The following NBAS variants were observed in gnomAD, a reference collection of about 807,000 sequenced individuals.
NBAS encodes NAG/BC035112 fusion.
A neutral mutation model predicts 302.5 loss-of-function variants in NBAS; 219 were observed. The ratio of observed to expected loss-of-function variants is 0.72; its 90% CI spans 0.65 to 0.81. The LOEUF (loss-of-function observed/expected upper bound fraction) is 0.81. NBAS is among the 30% of genes least tolerant of loss of function. The pLI is 0.00. For missense variants in NBAS, 2,932 were observed against 2,841.6 expected (o/e 1.03, Z -0.72); for synonymous variants, 1,118 against 1,021.6 (o/e 1.09, Z -1.80).
At chr2:15,186,109 C>CAT (rs59998941) in intron 50 of NBAS, among the ~76,000 whole-genome samples, 8,331 of 144,934 alleles carry the variant, frequency 0.057, 365 homozygotes, top group East Asian at 0.22. Context: ...CACACACACA[C>CAT]ATATGTGTAT....
intron 40 of NBAS, among the ~76,000 whole-genome samples, chr2:15,301,951 T>G (rs1670818851): frequency 6.6e-6 from 1 of 152,210 alleles, no homozygotes; most frequent in Non-Finnish European, 1.5e-5. Context: ...TGAAGGATTT[T>G]GGGTGGAGAG....
the NBAS span, among the ~76,000 whole-genome samples, chr2:14,952,706 G>T: frequency 6.6e-6 from 1 of 152,190 alleles, no homozygotes; most frequent in Admixed American, 6.5e-5. Flanking sequence ...AATCTTCCCA[G>T]CAGGGAGTCT....
chr2:15,071,502 T>G, the NBAS span, among the ~76,000 whole-genome samples: 3 of 151,734 alleles, frequency 2.0e-5, no homozygotes, highest in African/African-American at 7.3e-5. Context: ...AGGGCACCTA[T>G]AGTCCCAGCT....
the NBAS span, among the ~76,000 whole-genome samples, chr2:14,890,073 T>G: frequency 4.6e-5 from 7 of 152,242 alleles, no homozygotes; most frequent in Admixed American, 4.6e-4. Flanking sequence ...GTGTGCAAAT[T>G]CCTAATATAT....
At chr2:15,007,059 AG>A in the NBAS span, among the ~76,000 whole-genome samples, 1 of 152,240 alleles carries the variant, frequency 6.6e-6, no homozygotes, top group Non-Finnish European at 1.5e-5. Context: ...TAACCACCCC[AG>A]GGGACCTTGG....
At chr2:15,283,433 C>T (rs1040632889) in intron 42 of NBAS, among the ~76,000 whole-genome samples, 2 of 152,044 alleles carry the variant, frequency 1.3e-5, no homozygotes, top group African/African-American at 4.8e-5. Flanking sequence ...GCTGTGCTCA[C>T]GACAGTGAGT....
chr2:15,099,192 A>G, the NBAS span, among the ~76,000 whole-genome samples: 1 of 152,106 alleles, frequency 6.6e-6, no homozygotes, highest in East Asian at 1.9e-4. Flanking sequence ...TGTCCCAGCT[A>G]CTCAGAAGGC....
At chr2:15,321,157 T>C (rs1294537741) in intron 38 of NBAS, among the ~76,000 whole-genome samples, 1 of 152,214 alleles carries the variant, frequency 6.6e-6, no homozygotes, top group Non-Finnish European at 1.5e-5. Context: ...GGATTCCTTA[T>C]TTAACAAATG....
intron 11 of NBAS, among the ~76,000 whole-genome samples, chr2:15,491,079 C>T (rs1224717076): frequency 2.0e-5 from 3 of 152,060 alleles, no homozygotes; most frequent in Admixed American, 6.6e-5. Flanking sequence ...AAACTTCTTC[C>T]CTCTTGATAG....
the NBAS span, among the ~76,000 whole-genome samples, chr2:15,120,718 A>G: frequency 2.0e-5 from 3 of 152,208 alleles, no homozygotes; most frequent in Admixed American, 6.5e-5. Flanking sequence ...AGTCCCAGGA[A>G]GCTCTGAGCC....
chr2:14,918,341 G>A, the NBAS span, among the ~76,000 whole-genome samples: 1 of 151,638 alleles, frequency 6.6e-6, no homozygotes, highest in South Asian at 2.1e-4. Context: ...CAATGTAATG[G>A]TGTTTTCATC....
chr2:15,352,508 T>G lies in NBAS; in HGVS notation c.4090-427A>C, dbSNP rs560684484. ...CCTGGAAGAGGCCCAAGGGAGGGAT[T>G]TGAAGGACAAGTGCGGGTTTTGACC... On this transcript the variant is annotated intron_variant, in intron 34 of 51. Coordinates refer to ENST00000281513, the MANE Select transcript of NBAS (RefSeq NM_015909.4). Among the ~76,000 whole-genome samples, 4 of 152,080 alleles carry G rather than the reference T, an allele frequency of 2.6e-5. 1 individual carries two copies. Among genetic ancestry groups the G allele is most frequent in the Admixed American group, 2.0e-4 (3 of 15,266 alleles).
chr2:15,244,166 C>A (rs1490755035), intron 44 of NBAS, among the ~76,000 whole-genome samples: 1 of 152,168 alleles, frequency 6.6e-6, no homozygotes, highest in African/African-American at 2.4e-5. Flanking sequence ...GCTACGGGCA[C>A]ATGACACTAA....
the NBAS span, among the ~76,000 whole-genome samples, chr2:15,008,436 C>T: frequency 6.6e-6 from 1 of 152,212 alleles, no homozygotes; most frequent in African/African-American, 2.4e-5. Context: ...CCTCTCACTC[C>T]AAGTGGCCTC....
At chr2:15,050,563 G>A in the NBAS span, among the ~76,000 whole-genome samples, 3 of 152,154 alleles carry the variant, frequency 2.0e-5, no homozygotes, top group African/African-American at 7.2e-5. Context: ...TGAAAGAATT[G>A]GGATTGCAAT....
intron 33 of NBAS, among the ~76,000 whole-genome samples, chr2:15,355,105 T>A (rs182321364): frequency 6.6e-6 from 1 of 152,232 alleles, no homozygotes; most frequent in Non-Finnish European, 1.5e-5. Flanking sequence ...AGTGTCAGAA[T>A]AATGTTTTCT....
At chr2:15,226,000 C>T (rs180859800) in intron 47 of NBAS, among the ~76,000 whole-genome samples, 15 of 152,034 alleles carry the variant, frequency 9.9e-5, no homozygotes, top group East Asian at 9.7e-4. Context: ...GAATTTCAGA[C>T]CCCACCCAGA....
intron 6 of NBAS, among the ~76,000 whole-genome samples, chr2:15,549,042 T>C (rs1006057525): frequency 1.3e-5 from 2 of 152,214 alleles, no homozygotes; most frequent in Non-Finnish European, 2.9e-5. Context: ...AGAATTATAG[T>C]AACAGTAATT....
chr2:15,096,341 G>A, the NBAS span, among the ~76,000 whole-genome samples: 2 of 152,182 alleles, frequency 1.3e-5, no homozygotes, highest in South Asian at 2.1e-4. Flanking sequence ...TCTTCCTGCT[G>A]TGAGTCAGGG....
Sources: allele counts gnomAD v4.1 joint callset (sites outside exome capture counted in the v4.1 genomes callset), GRCh38; gene constraint gnomAD v4.1.1; transcripts MANE v1.5; gene names NCBI Gene and HGNC (gene_info 2026-07-23, HGNC 2026-07-21).